The following RANBP3L variants were observed in gnomAD, a reference collection of about 807,000 sequenced individuals.
RANBP3L encodes the protein ran-binding protein 3-like.
In RANBP3L, 56 loss-of-function variants were observed where a neutral mutation model predicts 67.2. The observed-to-expected ratio is 0.83, with a 90% CI of 0.67 to 1.04. The LOEUF (loss-of-function observed/expected upper bound fraction) is 1.04. Among genes scored for constraint, RANBP3L ranks in the 50% least tolerant of loss-of-function variants. RANBP3L has a pLI of 0.00. For missense variants in RANBP3L, 496 were observed against 535.5 expected (o/e 0.93, Z 0.73); for synonymous variants, 164 against 181.4 (o/e 0.90, Z 0.77).
At chr5:36,261,168 C>T (rs1182517988) in intron 7 of RANBP3L, among the ~76,000 whole-genome samples, 1 of 152,110 alleles carries the variant, frequency 6.6e-6, no homozygotes, top group Non-Finnish European at 1.5e-5. Flanking sequence ...TCCAACACAC[C>T]CTGTCTAGTA....
chr5:36,265,083 G>T lies in RANBP3L; in HGVS notation c.356C>A (p.Ser119Tyr). 2 of 1,606,152 alleles carry T rather than the reference G, an allele frequency of 1.2e-6. No individual in the cohort carries two copies. Among genetic ancestry groups the T allele is most frequent in the Non-Finnish European group, 1.7e-6 (2 of 1,173,854 alleles). Residue 119 changes from serine (S) to tyrosine (Y), a missense_variant, in exon 6 of 14, where the codon TCT (serine) becomes TAT (tyrosine). By Grantham distance (144) the Ser-to-Tyr change is moderately radical (BLOSUM62 -2). Coordinates refer to ENST00000296604, the MANE Select transcript of RANBP3L (RefSeq NM_145000.5). ...AATAGCAGGTCTAATAACATGTTTAGAATGTTTCACAGGACCTTAAAAGAA... is the reference window on the plus strand; with the variant it reads ...AATAGCAGGTCTAATAACATGTTTATAATGTTTCACAGGACCTTAAAAGAA... ...KSAEQGPVKH[S>Y]KHVIRPAILQ...
intron 11 of RANBP3L, among the ~76,000 whole-genome samples, chr5:36,255,032 C>A (rs1382522128): frequency 2.0e-5 from 3 of 152,060 alleles, no homozygotes; most frequent in African/African-American, 7.2e-5. Flanking sequence ...CAAGTATTTT[C>A]TTTTAGAAGA....
intron 1 of RANBP3L, among the ~76,000 whole-genome samples, chr5:36,294,094 A>G (rs1181760644): frequency 2.0e-5 from 3 of 152,158 alleles, no homozygotes; most frequent in Non-Finnish European, 4.4e-5. Flanking sequence ...TTATTGGTCT[A>G]TTCAGAGATT....
chr5:36,281,092 T>G (rs1750939636), intron 1 of RANBP3L, among the ~76,000 whole-genome samples: 1 of 152,128 alleles, frequency 6.6e-6, no homozygotes, highest in African/African-American at 2.4e-5. Context: ...AGAGGTATGG[T>G]TTTAAAAACC....
intron 1 of RANBP3L, among the ~76,000 whole-genome samples, chr5:36,278,150 T>C (rs1750728682): frequency 6.6e-6 from 1 of 152,160 alleles, no homozygotes; most frequent in Non-Finnish European, 1.5e-5. Flanking sequence ...ATGTTAGCTC[T>C]GGGGGAAGTG....
chr5:36,254,299 G>A (rs1748810062), intron 11 of RANBP3L, among the ~76,000 whole-genome samples: 1 of 152,034 alleles, frequency 6.6e-6, no homozygotes, highest in Admixed American at 6.6e-5. Context: ...TACAATCTAT[G>A]TGTACATCTA....
chr5:36,263,954 A>G (rs1184022669), intron 6 of RANBP3L, among the ~76,000 whole-genome samples: 5 of 152,262 alleles, frequency 3.3e-5, no homozygotes, highest in African/African-American at 7.2e-5. Flanking sequence ...TTACTTATAT[A>G]GCATGCATAA....
In RANBP3L at chr5:36,257,060, T is replaced by C. The variant is rs1029027038; in HGVS notation, c.784A>G (p.Ile262Val). The C allele has an allele frequency of 1.2e-6, 2 of 1,612,006 alleles. No individual in the cohort carries two copies. The highest frequency in any genetic ancestry group is 2.7e-5 in the African/African-American group (2 of 74,846). The change falls in exon 10 of 14, where the codon ATT (isoleucine) becomes GTT (valine). Residue 262 changes from isoleucine (I) to valine (V), a missense_variant. Coordinates refer to ENST00000296604, the MANE Select transcript of RANBP3L (RefSeq NM_145000.5). ...GATTCAATTAGGGAAGTATTTTTAATAGAGTCTGTTCCTAAGAGAAAATGG... is the reference window on the plus strand; with the variant it reads ...GATTCAATTAGGGAAGTATTTTTAACAGAGTCTGTTCCTAAGAGAAAATGG... ...VNFLSSRTDS[I>V]KNTSLIESAA...
chr5:36,263,422 T>C (rs547910275), intron 6 of RANBP3L, among the ~76,000 whole-genome samples: 1 of 152,344 alleles, frequency 6.6e-6, no homozygotes, highest in African/African-American at 2.4e-5. Flanking sequence ...ATTTTTGATG[T>C]CATAACATGT....
At chr5:36,283,737 T>C (rs1044366582) in intron 1 of RANBP3L, among the ~76,000 whole-genome samples, 4 of 152,190 alleles carry the variant, frequency 2.6e-5, no homozygotes, top group African/African-American at 9.6e-5. Context: ...AAACAGGTCA[T>C]TATAAAAATC....
At chr5:36,287,156 A>G (rs546766632) in intron 1 of RANBP3L, among the ~76,000 whole-genome samples, 10 of 152,226 alleles carry the variant, frequency 6.6e-5, no homozygotes, top group East Asian at 5.8e-4. Context: ...ACAGTTCACA[A>G]TAGGGTTCAC....
chr5:36,266,349 A>G (rs531807318), intron 4 of RANBP3L, among the ~76,000 whole-genome samples: 7 of 152,226 alleles, frequency 4.6e-5, no homozygotes, highest in Non-Finnish European at 1.0e-4. Context: ...ATTTCTATAC[A>G]TTTCAAAGGG....
intron 1 of RANBP3L, among the ~76,000 whole-genome samples, chr5:36,289,914 A>C (rs1192885822): frequency 6.6e-6 from 1 of 152,014 alleles, no homozygotes; most frequent in Non-Finnish European, 1.5e-5. Flanking sequence ...TCTCCAGTAC[A>C]CTGTTGAATA....
chr5:36,292,395 T>C (rs1160377162), intron 1 of RANBP3L, among the ~76,000 whole-genome samples: 2 of 151,940 alleles, frequency 1.3e-5, no homozygotes, highest in Non-Finnish European at 2.9e-5. Context: ...GCAGAAGCTC[T>C]TGAGTTTAAT....
intron 1 of RANBP3L, among the ~76,000 whole-genome samples, chr5:36,281,573 G>A (rs1750974233): frequency 6.6e-6 from 1 of 152,108 alleles, no homozygotes; most frequent in Admixed American, 6.6e-5. Flanking sequence ...GGGCTATGAT[G>A]GCTCTTTCCT....
At chr5:36,257,403 C>T in intron 9 of RANBP3L, 51 bp downstream of exon 9, 1 of 744,348 alleles carries the variant, frequency 1.3e-6, no homozygotes, top group Non-Finnish European at 2.2e-6. Flanking sequence ...AAATAAAAAA[C>T]AGGAGACAAA....
rs190563260 is a variant in RANBP3L at position 36,264,594 on chromosome 5, G to A, written c.480+365C>T. On this transcript the variant is annotated intron_variant, in intron 6 of 13. Coordinates refer to ENST00000296604, the MANE Select transcript of RANBP3L (RefSeq NM_145000.5). ...TGACCTAAACTGGCAACGATACACT[G>A]TGATGTTGACCAGTTGGCGATGTAG... Among the ~76,000 whole-genome samples the A allele has an allele frequency of 2.3e-3, 352 of 152,306 alleles. 5 individuals carry two copies. The highest frequency in any genetic ancestry group is 3.6e-3 in the Non-Finnish European group (244 of 68,040).
intron 1 of RANBP3L, among the ~76,000 whole-genome samples, chr5:36,300,378 A>T (rs570438887): frequency 6.6e-6 from 1 of 152,316 alleles, no homozygotes; most frequent in Non-Finnish European, 1.5e-5. Context: ...ACCGATGCAG[A>T]GAGGTGGCCT....
At chr5:36,272,733 C>A (rs1750310811) in intron 1 of RANBP3L, among the ~76,000 whole-genome samples, 1 of 152,130 alleles carries the variant, frequency 6.6e-6, no homozygotes, top group Non-Finnish European at 1.5e-5. Flanking sequence ...CAACCTCCAC[C>A]TCCCGGATTG....
Sources: allele counts gnomAD v4.1 joint callset (sites outside exome capture counted in the v4.1 genomes callset), GRCh38; gene constraint gnomAD v4.1.1; transcripts MANE v1.5; gene names NCBI Gene and HGNC (gene_info 2026-07-23, HGNC 2026-07-21).